The following SHISA6 variants were observed in gnomAD, a reference collection of about 807,000 sequenced individuals.
The protein encoded by SHISA6 is protein shisa-6.
Under a neutral mutation model 47.9 loss-of-function variants are expected in SHISA6, and 22 were observed. The observed-to-expected ratio is 0.46, with a 90% CI of 0.33 to 0.66. The LOEUF (loss-of-function observed/expected upper bound fraction) is 0.66. SHISA6 is among the 30% of genes least tolerant of loss of function. SHISA6 has a pLI of 0.02. For missense variants in SHISA6, 680 were observed against 764.6 expected (o/e 0.89, Z 1.30); for synonymous variants, 388 against 337.8 (o/e 1.15, Z -1.63).
intron 3 of SHISA6, among the ~76,000 whole-genome samples, chr17:11,515,393 A>G (rs762221092): frequency 1.3e-4 from 20 of 151,776 alleles, no homozygotes; most frequent in Admixed American, 3.9e-4. Context: ...ATAACCACTA[A>G]GACTTTACTT....
At position 11,248,928 on chromosome 17, in the gene SHISA6, A is replaced by G. The variant is rs1030458500; in HGVS notation, c.638+6868A>G. 3.9e-5 allele frequency among the ~76,000 whole-genome samples: 6 copies of G among 152,118 alleles called. No individual in the cohort carries two copies. The South Asian group carries it at 1.2e-3, about 32-fold the overall frequency. On this transcript the variant is annotated intron_variant, in intron 1 of 5. Coordinates refer to ENST00000441885, the MANE Select transcript of SHISA6 (RefSeq NM_207386.4). ...GCCGAGGCGGGCAGATCACGAGGTC[A>G]GGAGATCGAGACCATCCCGGCTAAC...
At chr17:11,510,275 C>CA (rs1424378164) in intron 3 of SHISA6, among the ~76,000 whole-genome samples, 3 of 152,140 alleles carry the variant, frequency 2.0e-5, no homozygotes, top group Admixed American at 2.0e-4. Context: ...TCTGTGTTCC[C>CA]ACAGTGCTCC....
chr17:11,340,446 G>A (rs1185808789), intron 2 of SHISA6, among the ~76,000 whole-genome samples: 1 of 152,180 alleles, frequency 6.6e-6, no homozygotes, highest in Non-Finnish European at 1.5e-5. Flanking sequence ...CTTCCTAAGT[G>A]TTCCAAGAGG....
intron 3 of SHISA6, among the ~76,000 whole-genome samples, chr17:11,507,059 A>G (rs1388920210): frequency 4.6e-5 from 7 of 152,190 alleles, no homozygotes; most frequent in Non-Finnish European, 1.0e-4. Flanking sequence ...CACTAACTGC[A>G]TCTTCAGAAA....
intron 3 of SHISA6, among the ~76,000 whole-genome samples, chr17:11,537,364 G>A (rs374560152): frequency 3.9e-5 from 6 of 151,996 alleles, no homozygotes; most frequent in Non-Finnish European, 7.4e-5. Context: ...GCGGCGGGGG[G>A]GATCCCACTT....
chr17:11,344,685 C>A (rs1213806576), intron 2 of SHISA6, among the ~76,000 whole-genome samples: 2 of 152,054 alleles, frequency 1.3e-5, no homozygotes, highest in African/African-American at 4.8e-5. Flanking sequence ...TTGTGGGGTA[C>A]AGAGTGATAT....
chr17:11,449,469 AAG>A (rs1184268433), intron 3 of SHISA6, among the ~76,000 whole-genome samples: 1 of 152,180 alleles, frequency 6.6e-6, no homozygotes, highest in East Asian at 1.9e-4. Context: ...AAAGAAAAAA[AAG>A]AAAAAAATTG....
chr17:11,269,651 G>C (rs1426845439), intron 2 of SHISA6, among the ~76,000 whole-genome samples: 1 of 152,218 alleles, frequency 6.6e-6, no homozygotes, highest in Non-Finnish European at 1.5e-5. Flanking sequence ...CAGGAAGTAG[G>C]ACTTTTCTTT....
intron 3 of SHISA6, among the ~76,000 whole-genome samples, chr17:11,453,473 A>G (rs1406492574): frequency 6.6e-6 from 1 of 152,130 alleles, no homozygotes; most frequent in Non-Finnish European, 1.5e-5. Flanking sequence ...GCATAATTCA[A>G]GCCTACCAAA....
At chr17:11,283,376 G>A (rs762373272) in intron 2 of SHISA6, among the ~76,000 whole-genome samples, 1 of 152,158 alleles carries the variant, frequency 6.6e-6, no homozygotes, top group Non-Finnish European at 1.5e-5. Context: ...CACACCAGTG[G>A]ATATTAAAAC....
At chr17:11,352,874 T>G (rs868624393) in intron 2 of SHISA6, among the ~76,000 whole-genome samples, 11 of 152,200 alleles carry the variant, frequency 7.2e-5, no homozygotes, top group Admixed American at 4.6e-4. Flanking sequence ...ATACTAACTA[T>G]TTGGGGGAGA....
At chr17:11,257,211 T>A (rs1478585418) in intron 1 of SHISA6, among the ~76,000 whole-genome samples, 1 of 152,198 alleles carries the variant, frequency 6.6e-6, no homozygotes, top group Non-Finnish European at 1.5e-5. Flanking sequence ...AAAACTAAAT[T>A]AAGCCGTTCT....
At chr17:11,461,133 C>T (rs953253429) in intron 3 of SHISA6, among the ~76,000 whole-genome samples, 2 of 152,164 alleles carry the variant, frequency 1.3e-5, no homozygotes, top group Non-Finnish European at 2.9e-5. Flanking sequence ...ATAGCAGGCT[C>T]ACGCCTGTAA....
At chr17:11,242,629 T>C (rs559504811) in intron 1 of SHISA6, among the ~76,000 whole-genome samples, 1 of 152,184 alleles carries the variant, frequency 6.6e-6, no homozygotes, top group East Asian at 1.9e-4. Flanking sequence ...GTCTCCTCAT[T>C]GCATCCTGCG....
At chr17:11,395,831 T>TTCAC (rs769824535) in intron 3 of SHISA6, among the ~76,000 whole-genome samples, 7 of 152,196 alleles carry the variant, frequency 4.6e-5, no homozygotes, top group Non-Finnish European at 8.8e-5. Context: ...TTTACTTCTT[T>TTCAC]ACAGTTATGC....
chr17:11,389,835 C>G (rs1913328484), intron 3 of SHISA6, among the ~76,000 whole-genome samples: 1 of 152,178 alleles, frequency 6.6e-6, no homozygotes, highest in African/African-American at 2.4e-5. Flanking sequence ...ATTTGCTTCC[C>G]TCATTCTCTA....
At chr17:11,353,811 A>G (rs1911983689) in intron 2 of SHISA6, among the ~76,000 whole-genome samples, 1 of 152,182 alleles carries the variant, frequency 6.6e-6, no homozygotes, top group Non-Finnish European at 1.5e-5. Context: ...TCCTGGGACT[A>G]AATGCTGGAA....
chr17:11,360,761 A>G (rs1318540919), intron 2 of SHISA6, among the ~76,000 whole-genome samples: 1 of 150,658 alleles, frequency 6.6e-6, no homozygotes, highest in African/African-American at 2.4e-5. Flanking sequence ...ACAAATCTTC[A>G]CTTTCTGCCC....
At chr17:11,501,914 T>C (rs2071457028) in intron 3 of SHISA6, among the ~76,000 whole-genome samples, 1 of 152,174 alleles carries the variant, frequency 6.6e-6, no homozygotes. Flanking sequence ...GAGGTATTAC[T>C]GTATCCTCTG....
Sources: allele counts gnomAD v4.1 joint callset (sites outside exome capture counted in the v4.1 genomes callset), GRCh38; gene constraint gnomAD v4.1.1; transcripts MANE v1.5; gene names NCBI Gene and HGNC (gene_info 2026-07-23, HGNC 2026-07-21).